RWDD2B: variants seen among roughly 807,000 people sequenced by gnomAD.
RWDD2B encodes the protein RWD domain-containing protein 2B.
In RWDD2B, 36 loss-of-function variants were observed where a neutral mutation model predicts 33.6. The ratio of observed to expected loss-of-function variants is 1.07; its 90% CI spans 0.82 to 1.42. The LOEUF is 1.42. Among genes scored for constraint, RWDD2B ranks in the 40% most tolerant of loss-of-function variants. The pLI is 0.00. For synonymous variants in RWDD2B, 126 were observed against 133.1 expected (o/e 0.95, Z 0.37); for missense variants, 364 against 377.5 (o/e 0.96, Z 0.30).
intron 1 of RWDD2B, 80 bp from the exon 2 acceptor site, chr21:29,008,701 A>C: frequency 1.1e-6 from 1 of 875,516 alleles, no homozygotes; most frequent in South Asian, 1.7e-5. Flanking sequence ...GTACTTACTA[A>C]AATTGTACTT....
Position 29,018,017 on chromosome 21 carries a change from G to C in RWDD2B, c.67+1194C>G, listed in dbSNP as rs564720193. On this transcript the variant is annotated intron_variant, in intron 1 of 4. Coordinates refer to ENST00000493196, the MANE Select transcript of RWDD2B (RefSeq NM_016940.3). Reference sequence around the variant, plus strand: ...ACTGACATGTAAGAGCTACAAGAGAGGTTTGACTTATGAAGATCCCCACAC... The same window carrying C: ...ACTGACATGTAAGAGCTACAAGAGACGTTTGACTTATGAAGATCCCCACAC... Among the ~76,000 whole-genome samples, 32 of 152,270 alleles carry C rather than the reference G, an allele frequency of 2.1e-4. 1 individual carries two copies. In the South Asian group the frequency reaches 6.2e-3, roughly 30 times the overall value.
rs2084822538 is a variant in RWDD2B, at chr21:29,005,202, A to C, written c.*1215T>G. ...ATACAATTTGCCAAACAAATTTTCT[A>C]AATTACTAATTTGATGAATTGTTGA... On this transcript the variant is annotated 3_prime_UTR_variant, in exon 5 of 5. Transcript: ENST00000493196. 1 of 152,248 alleles carries C rather than the reference A, an allele frequency of 6.6e-6. No individual in the cohort carries two copies. The highest frequency in any genetic ancestry group is 2.4e-5 in the African/African-American group (1 of 41,470). The allele number at this position is 152,248 out of a possible 1,614,324, so 9.4% of individuals were successfully genotyped here. A position where few individuals can be genotyped will look rare whatever the true frequency, so the allele number is the denominator to read the frequency against.
At chr21:29,010,930 G>A (rs1269487698) in intron 1 of RWDD2B, among the ~76,000 whole-genome samples, 2 of 152,216 alleles carry the variant, frequency 1.3e-5, no homozygotes, top group South Asian at 2.1e-4. Context: ...TCGGCCTCCC[G>A]AGATGCGGGG....
chr21:29,017,015 G>A (rs2084893543), intron 1 of RWDD2B, among the ~76,000 whole-genome samples: 1 of 151,906 alleles, frequency 6.6e-6, no homozygotes, highest in South Asian at 2.1e-4. Flanking sequence ...CCAGAGTGCA[G>A]AGTCGGCTCA....
At chr21:29,018,843 TA>T (rs1172567619) in intron 1 of RWDD2B, among the ~76,000 whole-genome samples, 1 of 152,108 alleles carries the variant, frequency 6.6e-6, no homozygotes, top group Admixed American at 6.5e-5. Context: ...TTTTAAAAAA[TA>T]AAATATATTT....
At position 29,005,504 on chromosome 21, in the gene RWDD2B, AGG is replaced by A. The variant is rs1396499051; in HGVS notation, c.*911_*912del. 1.3e-5 allele frequency: 2 copies of A among 152,260 alleles called. No individual in the cohort carries two copies. The highest frequency in any genetic ancestry group is 2.4e-5 in the African/African-American group (1 of 41,458). The allele number at this position is 152,260 out of a possible 1,614,324, so 9.4% of individuals were successfully genotyped here. A position where few individuals can be genotyped will look rare whatever the true frequency, so the allele number is the denominator to read the frequency against. ...GTAATCCAAGCACATTGGGAAGCCG[AGG>A]TGGGAGGATCACCTGAGGTCAGGAG... On this transcript the variant is annotated 3_prime_UTR_variant, in exon 5 of 5. Coordinates refer to ENST00000493196, the MANE Select transcript of RWDD2B (RefSeq NM_016940.3).
intron 1 of RWDD2B, among the ~76,000 whole-genome samples, chr21:29,011,393 A>C: frequency 7.0e-6 from 1 of 141,910 alleles, no homozygotes; most frequent in African/African-American, 2.7e-5. Flanking sequence ...TCTGCCTGGC[A>C]ACCACCCCGT....
In RWDD2B at chr21:29,007,794, C is replaced by T. The variant is rs767116038; in HGVS notation, c.692G>A (p.Gly231Asp). ...PGKPGVVCVE[G>D]PQSACEEFWS... ...GAATTCTTCACAGGCACTTTGTGGG[C>T]CTTCCACACAAACAACACCAGGTTT... Residue 231 changes from glycine (G) to aspartate (D), a missense_variant, in exon 4 of 5, where the codon GGC becomes GAC. Coordinates refer to ENST00000493196, the MANE Select transcript of RWDD2B (RefSeq NM_016940.3). 1 of 1,614,000 alleles carries T rather than the reference C, an allele frequency of 6.2e-7. No homozygotes were observed. The highest frequency in any genetic ancestry group is 1.1e-5 in the South Asian group (1 of 91,060).
intron 1 of RWDD2B, among the ~76,000 whole-genome samples, chr21:29,012,011 G>A (rs1243457449): frequency 3.0e-5 from 4 of 133,798 alleles, no homozygotes; most frequent in African/African-American, 2.9e-5. Context: ...CCCCCCGCCC[G>A]GCCAGCCGCC....
rs752235802 is a variant in RWDD2B at position 29,007,918 on chromosome 21, G to C, written c.568C>G (p.Leu190Val). 6.2e-7 allele frequency: 1 copy of C among 1,614,232 alleles called. No homozygotes were observed. The highest frequency in any genetic ancestry group is 8.5e-7 in the Non-Finnish European group (1 of 1,180,048). ...VQSVDLIFTR[L>V]WIYSHHIYNK... The stretch of plus-strand genomic sequence containing the variant: ...TAGATATGATGGCTGTAGATCCAGA[G>C]TCTCGTGAAGATGAGGTCAACTGAC... The change falls in exon 4 of 5, where the codon CTC (leucine) becomes GTC (valine). Residue 190 changes from leucine (L) to valine (V), a missense_variant. Leu to Val is a conservative substitution (Grantham distance 32). Coordinates refer to ENST00000493196, the MANE Select transcript of RWDD2B (RefSeq NM_016940.3).
At chr21:29,011,653 C>A (rs2084861225) in intron 1 of RWDD2B, among the ~76,000 whole-genome samples, 1 of 147,314 alleles carries the variant, frequency 6.8e-6, no homozygotes, top group Non-Finnish European at 1.5e-5. Context: ...GGTCAGCCCC[C>A]CGCCCGGCCA....
At position 29,008,067 on chromosome 21, in the gene RWDD2B, A is replaced by T; in HGVS notation, c.419T>A (p.Phe140Tyr). ...QTQLNTDLTA[F>Y]LQKHCHGDVC... ...ATCTCCATGACAATGTTTTTGCAGG[A>T]ATGCAGTCAGATCTGTGTTCAGCTG... Residue 140 changes from phenylalanine (F) to tyrosine (Y), a missense_variant, in exon 4 of 5, where the codon TTC becomes TAC. Transcript: ENST00000493196. The T allele has an allele frequency of 3.1e-6, 5 of 1,614,242 alleles. No individual in the cohort carries two copies. Among genetic ancestry groups the T allele is most frequent in the Non-Finnish European group, 4.2e-6 (5 of 1,180,034 alleles).
At chr21:29,014,748 G>C (rs1034795378) in intron 1 of RWDD2B, among the ~76,000 whole-genome samples, 2 of 152,192 alleles carry the variant, frequency 1.3e-5, no homozygotes, top group African/African-American at 4.8e-5. Context: ...GTGAACCCAG[G>C]AGGCAGAGCT....
In RWDD2B at chr21:29,012,332, G is replaced by C. The variant is rs568176897; in HGVS notation, c.68-3711C>G. On this transcript the variant is annotated intron_variant, in intron 1 of 4. Transcript: ENST00000493196. ...AATGGCGGTTTTGTGGAATAGAAAGGGGGGAAAGGTGGGGAAAAGATTGAG... is the reference window on the plus strand; with the variant it reads ...AATGGCGGTTTTGTGGAATAGAAAGCGGGGAAAGGTGGGGAAAAGATTGAG... Among the ~76,000 whole-genome samples the C allele has an allele frequency of 5.6e-4, 86 of 152,286 alleles. 2 individuals carry two copies. The South Asian group carries it at 0.015, about 26-fold the overall frequency.
chr21:29,009,377 G>A (rs2084845475), intron 1 of RWDD2B, among the ~76,000 whole-genome samples: 1 of 149,626 alleles, frequency 6.7e-6, no homozygotes, highest in African/African-American at 2.5e-5. Context: ...GAGCCACTGT[G>A]CATGGCATTT....
intron 1 of RWDD2B, among the ~76,000 whole-genome samples, chr21:29,013,688 CAAAAAA>C (rs543309731): frequency 1.7e-5 from 1 of 59,572 alleles, no homozygotes; most frequent in African/African-American, 5.0e-5. Context: ...GACTCCGTCT[CAAAAAA>C]AAAAAAAAAA....
In RWDD2B at chr21:29,019,323, C is replaced by G. The variant is rs772297005; in HGVS notation, c.-46G>C. The stretch of plus-strand genomic sequence containing the variant: ...CTAGCATACTGCGACCCAAAACTTA[C>G]AAACCGCCTCAGCTGGCGACCTACC... On this transcript the variant is annotated 5_prime_UTR_variant, in exon 1 of 5. Coordinates refer to ENST00000493196, the MANE Select transcript of RWDD2B (RefSeq NM_016940.3). 2 of 1,405,812 alleles carry G rather than the reference C, an allele frequency of 1.4e-6. No individual in the cohort carries two copies. The highest frequency in any genetic ancestry group is 1.2e-5 in the South Asian group (1 of 81,934). The allele number at this position is 1,405,812 out of a possible 1,614,324, so 87.1% of individuals were successfully genotyped here. A position where few individuals can be genotyped will look rare whatever the true frequency, so the allele number is the denominator to read the frequency against.
At chr21:29,009,638 C>A (rs2084847079) in intron 1 of RWDD2B, 1 of 152,116 alleles carries the variant, frequency 6.6e-6, no homozygotes, top group Admixed American at 6.5e-5. Context: ...TCATGATCCG[C>A]CCGCCTCGGC....
chr21:29,015,081 G>A (rs2084883109), intron 1 of RWDD2B, among the ~76,000 whole-genome samples: 1 of 152,080 alleles, frequency 6.6e-6, no homozygotes, highest in South Asian at 2.1e-4. Context: ...GAAAAATGCT[G>A]TGCCTCTTCA....
Sources: gnomAD v4.1 joint callset for allele counts (sites outside exome capture counted in the v4.1 genomes callset) on GRCh38, gnomAD v4.1.1 for gene constraint, MANE v1.5 for transcripts, NCBI Gene and HGNC (gene_info 2026-07-23, HGNC 2026-07-21) for gene names.